RAI14: variants seen among roughly 807,000 people sequenced by gnomAD.
RAI14 encodes the protein retinoic acid induced 14.
Under a neutral mutation model 115.4 loss-of-function variants are expected in RAI14, and 45 were observed. The observed-to-expected ratio is 0.39, with a 90% CI of 0.31 to 0.50. The LOEUF is 0.50. RAI14 is among the 20% of genes least tolerant of loss of function. The pLI, the probability that RAI14 is intolerant of heterozygous loss-of-function variation, is 0.85. For synonymous variants in RAI14, 371 were observed against 415.4 expected, an observed-to-expected ratio of 0.89 and a Z score of 1.30; for missense variants, 939 against 1,131.2, an observed-to-expected ratio of 0.83 and a Z score of 2.44.
At chr5:34,674,812 C>G (rs1272528441) in intron 1 of RAI14, among the ~76,000 whole-genome samples, 1 of 152,034 alleles carries the variant, frequency 6.6e-6, no homozygotes, top group Non-Finnish European at 1.5e-5. Flanking sequence ...TGGTCTTGAA[C>G]TCCTGACTTC....
At chr5:34,666,907 G>A (rs1743264882) in intron 1 of RAI14, among the ~76,000 whole-genome samples, 1 of 152,294 alleles carries the variant, frequency 6.6e-6, no homozygotes, top group Non-Finnish European at 1.5e-5. Context: ...CCCTGCCCTC[G>A]GGGACTTAAG....
intron 3 of RAI14, among the ~76,000 whole-genome samples, chr5:34,765,106 C>T (rs1338639697): frequency 3.3e-5 from 5 of 152,206 alleles, no homozygotes. Context: ...ATTCTGAGGC[C>T]TCCCCAGCCA....
chr5:34,813,872 AG>A (rs1755880790), intron 11 of RAI14, among the ~76,000 whole-genome samples: 1 of 152,246 alleles, frequency 6.6e-6, no homozygotes, highest in Non-Finnish European at 1.5e-5. Flanking sequence ...TTAAAAAAAC[AG>A]TAGAATCGAA....
chr5:34,700,823 G>C (rs1739971959), intron 2 of RAI14, among the ~76,000 whole-genome samples: 1 of 152,204 alleles, frequency 6.6e-6, no homozygotes, highest in Non-Finnish European at 1.5e-5. Flanking sequence ...ATTAGCTCAA[G>C]TGGTTGAAGA....
At chr5:34,687,616 C>T in intron 2 of RAI14, 1 of 1,545,722 alleles carries the variant, frequency 6.5e-7, no homozygotes, top group Non-Finnish European at 8.7e-7. Context: ...AAGGTCACCC[C>T]ATAAACCCTT....
At chr5:34,829,925 C>A in intron 17 of RAI14, 128 bp downstream of exon 17, 1 of 759,086 alleles carries the variant, frequency 1.3e-6, no homozygotes, top group Non-Finnish European at 2.1e-6. Flanking sequence ...ACTGGAAAGC[C>A]TGAATATGCC....
intron 14 of RAI14, among the ~76,000 whole-genome samples, chr5:34,822,250 G>GTATATATA (rs376790121): frequency 0.13 from 17,464 of 134,408 alleles, 1,252 homozygotes; most frequent in South Asian, 0.18. Flanking sequence ...ATGTGTGTAT[G>GTATATATA]TATATATATA....
chr5:34,716,397 C>T (rs543349380), intron 2 of RAI14, among the ~76,000 whole-genome samples: 1 of 151,910 alleles, frequency 6.6e-6, no homozygotes, highest in Non-Finnish European at 1.5e-5. Context: ...TAGCTAATTA[C>T]AAGTTTTGGG....
intron 2 of RAI14, among the ~76,000 whole-genome samples, chr5:34,715,752 GCAGTACCCTAT>G (rs1192619997): frequency 6.6e-6 from 1 of 152,168 alleles, no homozygotes; most frequent in Non-Finnish European, 1.5e-5. Context: ...TCTCCCTAGA[GCAGTACCCTAT>G]CAGGACTTAG....
intron 2 of RAI14, among the ~76,000 whole-genome samples, chr5:34,739,651 C>T (rs1354761860): frequency 2.0e-5 from 3 of 152,126 alleles, no homozygotes; most frequent in African/African-American, 7.2e-5. Flanking sequence ...ATCTGTTAAG[C>T]CCAGTGTTCT....
chr5:34,717,083 G>A (rs543042028), intron 2 of RAI14, among the ~76,000 whole-genome samples: 3 of 152,120 alleles, frequency 2.0e-5, no homozygotes, highest in African/African-American at 4.8e-5. Context: ...GTGTATGTGC[G>A]CATGTGTGTG....
At chr5:34,705,764 C>T (rs1740632788) in intron 2 of RAI14, among the ~76,000 whole-genome samples, 1 of 152,202 alleles carries the variant, frequency 6.6e-6, no homozygotes. Flanking sequence ...TCTCCTGCCT[C>T]AGCCTCCTGA....
chr5:34,820,038 C>T (rs1171746893), intron 13 of RAI14, among the ~76,000 whole-genome samples: 2 of 152,156 alleles, frequency 1.3e-5, no homozygotes, highest in African/African-American at 4.8e-5. Flanking sequence ...CATTTAGGCT[C>T]CCAGTTCCCT....
At chr5:34,784,182 A>G (rs935889612) in intron 3 of RAI14, among the ~76,000 whole-genome samples, 4 of 152,242 alleles carry the variant, frequency 2.6e-5, no homozygotes, top group Admixed American at 6.5e-5. Flanking sequence ...AATCACATTA[A>G]TGGGCATATT....
chr5:34,698,069 C>T (rs1170491968), intron 2 of RAI14, among the ~76,000 whole-genome samples: 2 of 94,452 alleles, frequency 2.1e-5, no homozygotes, highest in Non-Finnish European at 4.2e-5. Context: ...CCCCTTTCTC[C>T]CTCCCTTTCC....
At position 34,791,508 on chromosome 5, in the gene RAI14, A is replaced by G. The variant is rs1752914524; in HGVS notation, c.168-4431A>G. 6.6e-6 allele frequency among the ~76,000 whole-genome samples: 1 copy of G among 152,220 alleles called. No homozygotes were observed. The highest frequency in any genetic ancestry group is 6.5e-5 in the Admixed American group (1 of 15,278). On this transcript the variant is annotated intron_variant, in intron 3 of 17. Coordinates refer to ENST00000265109, the MANE Select transcript of RAI14 (RefSeq NM_015577.3). This position sits in a 1 kb window ranked among gnomAD's most constrained non-coding sequence, Gnocchi z 5.4. ...ATATGTGGCAATTAAAACTTAAAAA[A>G]AAAAGCCTGAATTGGCTCTTAGAAA...
chr5:34,775,278 A>T (rs1561345288), intron 3 of RAI14, among the ~76,000 whole-genome samples: 1 of 152,228 alleles, frequency 6.6e-6, no homozygotes, highest in Non-Finnish European at 1.5e-5. Flanking sequence ...TCATATCAAG[A>T]TAAAAAGCTT....
chr5:34,812,323 A>G (rs1329567169), intron 10 of RAI14, 115 bp downstream of exon 10: 2 of 947,608 alleles, frequency 2.1e-6, no homozygotes, highest in South Asian at 3.4e-5. Flanking sequence ...TATTGAAAAT[A>G]CTTAGGGACT....
At chr5:34,713,909 G>A (rs1020671877) in intron 2 of RAI14, among the ~76,000 whole-genome samples, 7 of 152,182 alleles carry the variant, frequency 4.6e-5, no homozygotes, top group Non-Finnish European at 1.0e-4. Flanking sequence ...GGTTTCAAAC[G>A]ATTCTCCTGC....
Sources: gnomAD v4.1 joint callset for allele counts (sites outside exome capture counted in the v4.1 genomes callset) on GRCh38, gnomAD v4.1.1 for gene constraint, Gnocchi (gnomAD v3.1) non-coding constraint, MANE v1.5 for transcripts, NCBI Gene and HGNC (gene_info 2026-07-23, HGNC 2026-07-21) for gene names.